PRSS37: variants seen among roughly 807,000 people sequenced by gnomAD.
PRSS37 encodes serine protease 37, also known as probable inactive serine protease 37.
In PRSS37, 25 loss-of-function variants were observed where a neutral mutation model predicts 28.0. The observed-to-expected ratio is 0.89, with a 90% CI of 0.65 to 1.25. The LOEUF (loss-of-function observed/expected upper bound fraction) is 1.25. Among genes scored for constraint, PRSS37 ranks in the 50% most tolerant of loss-of-function variants. PRSS37 has a pLI of 0.00. For synonymous variants in PRSS37, 109 were observed against 107.8 expected, an observed-to-expected ratio of 1.01 and a Z score of -0.07; for missense variants, 282 against 292.2, an observed-to-expected ratio of 0.97 and a Z score of 0.25.
At chr7:141,840,343 TCCTGTTAA>T (rs1486120633) in intron 1 of PRSS37, among the ~76,000 whole-genome samples, 2 of 152,204 alleles carry the variant, frequency 1.3e-5, no homozygotes, top group African/African-American at 4.8e-5. Context: ...CTCTTGCTAC[TCCTGTTAA>T]CCTTCCCCAA....
intron 4 of PRSS37, among the ~76,000 whole-genome samples, chr7:141,836,793 G>C (rs1426793017): frequency 6.6e-6 from 1 of 152,030 alleles, no homozygotes; most frequent in Non-Finnish European, 1.5e-5. Flanking sequence ...CCATTTTTTT[G>C]AACTGGTGAA....
chr7:141,838,175 A>T (rs1584802010), intron 2 of PRSS37, 62 bp from the exon 3 acceptor site: 3 of 1,602,374 alleles, frequency 1.9e-6, no homozygotes, highest in Middle Eastern at 3.3e-4. Flanking sequence ...AAGATACTGA[A>T]TGTTACAAAG....
Position 141,840,961 on chromosome 7 carries a change from C to A in PRSS37, c.34+55G>T, listed in dbSNP as rs1584804694. The A allele has an allele frequency of 7.7e-6, 12 of 1,564,486 alleles. No homozygotes were observed. In the East Asian group the frequency reaches 1.8e-4, roughly 23 times the overall value. ...CCTTCGCAATCCTGCCTCTGTCTCA[C>A]CCCATCCATTAAACTGTGCCTTACA... On this transcript the variant is annotated intron_variant, in intron 1 of 4. Transcript: ENST00000350549.
At position 141,836,324 on chromosome 7, in the gene PRSS37, A is replaced by T; in HGVS notation, c.*71T>A. ...ATTTTCATTTGGAGATTTTATTTTG[A>T]ATAGAGGGAAAATTATCTGCTTGTA... On this transcript the variant is annotated 3_prime_UTR_variant, in exon 5 of 5. Transcript: ENST00000350549. 1 of 1,512,680 alleles carries T rather than the reference A, an allele frequency of 6.6e-7. No individual in the cohort carries two copies. Among genetic ancestry groups the T allele is most frequent in the Non-Finnish European group, 9.0e-7 (1 of 1,110,824 alleles). 93.7% of individuals were successfully genotyped at this position (1,512,680 alleles called of 1,614,324 possible). A position where few individuals can be genotyped will look rare whatever the true frequency, so the allele number is the denominator to read the frequency against.
rs992057567 is a variant in PRSS37 at position 141,837,111 on chromosome 7, C to A, written c.567+1G>T. On this transcript the variant is annotated splice_donor_variant, in intron 4 of 4. Transcript: ENST00000350549. LOFTEE classifies it high-confidence loss of function. ...AAAGCTGAATATAGAGATAAGATTACCCCAAAAATTCGGCTGAATACTTTC... is the reference window on the plus strand; with the variant it reads ...AAAGCTGAATATAGAGATAAGATTAACCCAAAAATTCGGCTGAATACTTTC... 6.2e-7 allele frequency: 1 copy of A among 1,612,298 alleles called. No individual in the cohort carries two copies. Among genetic ancestry groups the A allele is most frequent in the South Asian group, 1.1e-5 (1 of 90,572 alleles).
At chr7:141,837,771 T>G (rs1801010590) in intron 3 of PRSS37, 89 bp downstream of exon 3, 1 of 1,560,100 alleles carries the variant, frequency 6.4e-7, no homozygotes, top group Non-Finnish European at 8.7e-7. Context: ...CACTCTCCTT[T>G]CCTCCTCTCT....
intron 3 of PRSS37, 189 bp from the exon 4 acceptor site, chr7:141,837,437 C>T (rs7806797): frequency 0.17 from 178,445 of 1,047,286 alleles, 15,784 homozygotes; most frequent in East Asian, 0.25. Context: ...AAAGGCTTTA[C>T]GTCTCTTTAA....
At chr7:141,839,012 TAAA>T (rs36029840) in intron 2 of PRSS37, 161 of 461,450 alleles carry the variant, frequency 3.5e-4, no homozygotes, top group Admixed American at 7.4e-4. Context: ...ATACTGCCAG[TAAA>T]AAAAAAAAAA....
In PRSS37 at chr7:141,841,430, G is replaced by T. The variant is rs1291071707; in HGVS notation, c.-381C>A. 4.1e-6 allele frequency: 1 copy of T among 245,356 alleles called. No homozygotes were observed. The highest frequency in any genetic ancestry group is 5.0e-5 in the Admixed American group (1 of 19,974). The allele number at this position is 245,356 out of a possible 1,614,324, so 15.2% of individuals were successfully genotyped here. ...TTCCCCACAGAGTTTCTGAGACCAG[G>T]GCTATGAGGGACAATATTCTTTACC... is the stretch of plus-strand genomic sequence containing the variant. On this transcript the variant is annotated 5_prime_UTR_variant, in exon 1 of 5. Coordinates refer to ENST00000350549, the MANE Select transcript of PRSS37 (RefSeq NM_001008270.3).
chr7:141,836,416 CT>C lies in PRSS37; in HGVS notation c.686del (p.Glu229GlyfsTer27). 6.2e-7 allele frequency: 1 copy of C among 1,614,166 alleles called. No homozygotes were observed. The highest frequency in any genetic ancestry group is 8.5e-7 in the Non-Finnish European group (1 of 1,180,018). On this transcript the variant is annotated frameshift_variant, in exon 5 of 5. Transcript: ENST00000350549. LOFTEE classifies it high-confidence loss of function. ...TNVYKYVSWI[E>X]NTAKDK The stretch of plus-strand genomic sequence containing the variant: ...GGTCTCACTTGTCCTTAGCAGTGTT[CT>C]CAATCCAGGATACATATTTGTAAAC...
Position 141,839,136 on chromosome 7 carries a change from GTGAAT to G in PRSS37, c.176+197_176+201del, listed in dbSNP as rs113120389. 4.7e-4 allele frequency: 298 copies of G among 638,598 alleles called. No homozygotes were observed. In the African/African-American group the frequency reaches 5.0e-3, roughly 11 times the overall value. The allele number at this position is 638,598 out of a possible 1,614,324, so 39.6% of individuals were successfully genotyped here. ...AAATCTTTATTGTGGGGACTGTGCT[GTGAAT>G]TGTAGGATGTTAAACAGCATCTTTG... On this transcript the variant is annotated intron_variant, in intron 2 of 4. Transcript: ENST00000350549.
chr7:141,836,448 T>C lies in PRSS37; in HGVS notation c.655A>G (p.Thr219Ala). The change falls in exon 5 of 5, where the codon ACC (threonine) becomes GCC (alanine). Residue 219 changes from threonine (T) to alanine (A), a missense_variant. By Grantham distance (58) the Thr-to-Ala change is moderately conservative (BLOSUM62 0). Coordinates refer to ENST00000350549, the MANE Select transcript of PRSS37 (RefSeq NM_001008270.3). ...CAGGATACATATTTGTAAACATTGGTGTAGATGCCGACGTCCCCTCCCATG... is the reference window on the plus strand; with the variant it reads ...CAGGATACATATTTGTAAACATTGGCGTAGATGCCGACGTCCCCTCCCATG... ...HFMGGDVGIY[T>A]NVYKYVSWIE... is the part of the protein sequence containing the mutation. 4 of 1,614,172 alleles carry C rather than the reference T, an allele frequency of 2.5e-6. No homozygotes were observed. Among genetic ancestry groups the C allele is most frequent in the Non-Finnish European group, 3.4e-6 (4 of 1,180,012 alleles).
chr7:141,839,970 A>G (rs73525251), intron 1 of PRSS37, among the ~76,000 whole-genome samples: 2,140 of 152,334 alleles, frequency 0.014, 57 homozygotes, highest in African/African-American at 0.049. Flanking sequence ...AAAGTGGAAC[A>G]TCATATATAA....
In PRSS37 at chr7:141,837,104, A is replaced by G. The variant is rs1800984872; in HGVS notation, c.567+8T>C. The stretch of plus-strand genomic sequence containing the variant: ...GTAAATGAAAGCTGAATATAGAGAT[A>G]AGATTACCCCAAAAATTCGGCTGAA... On this transcript the variant is annotated splice_region_variant and intron_variant, in intron 4 of 4. Coordinates refer to ENST00000350549, the MANE Select transcript of PRSS37 (RefSeq NM_001008270.3). 6.2e-7 allele frequency: 1 copy of G among 1,611,844 alleles called. No homozygotes were observed. Among genetic ancestry groups the G allele is most frequent in the Non-Finnish European group, 8.5e-7 (1 of 1,179,188 alleles).
rs1800952718 is a variant in PRSS37, at chr7:141,836,391, G to A, written c.*4C>T. The A allele has an allele frequency of 1.9e-6, 3 of 1,613,764 alleles. No individual in the cohort carries two copies. Among genetic ancestry groups the A allele is most frequent in the South Asian group, 1.1e-5 (1 of 91,040 alleles). On this transcript the variant is annotated 3_prime_UTR_variant, in exon 5 of 5. Coordinates refer to ENST00000350549, the MANE Select transcript of PRSS37 (RefSeq NM_001008270.3). ...CAGTGGAATGCAGAGGGAGAAGTAG[G>A]GTCTCACTTGTCCTTAGCAGTGTTC...
intron 3 of PRSS37, chr7:141,837,516 G>T: frequency 2.1e-6 from 3 of 1,402,134 alleles, no homozygotes; most frequent in Non-Finnish European, 2.9e-6. Flanking sequence ...TCTCAGAGGT[G>T]TCCTTTACAT....
At chr7:141,838,767 T>TC (rs1801058187) in intron 2 of PRSS37, 1 of 316,624 alleles carries the variant, frequency 3.2e-6, no homozygotes, top group African/African-American at 2.2e-5. Flanking sequence ...TCTCGCTTTT[T>TC]CTCTATCTCT....
chr7:141,838,216 G>A (rs1801032518), intron 2 of PRSS37, 103 bp from the exon 3 acceptor site: 4 of 1,544,284 alleles, frequency 2.6e-6, no homozygotes, highest in Non-Finnish European at 3.5e-6. Flanking sequence ...GCTTTTTCTG[G>A]ATTATGTCAT....
In PRSS37 at chr7:141,836,344, C is replaced by A. The variant is rs557838849; in HGVS notation, c.*51G>T. On this transcript the variant is annotated 3_prime_UTR_variant, in exon 5 of 5. Coordinates refer to ENST00000350549, the MANE Select transcript of PRSS37 (RefSeq NM_001008270.3). Reference sequence around the variant, plus strand: ...TTTTGAATAGAGGGAAAATTATCTGCTTGTATAGTCCATGGCAGAGCCAGT... The same window carrying A: ...TTTTGAATAGAGGGAAAATTATCTGATTGTATAGTCCATGGCAGAGCCAGT... The A allele has an allele frequency of 6.3e-7, 1 of 1,579,914 alleles. No homozygotes were observed. Among genetic ancestry groups the A allele is most frequent in the East Asian group, 2.3e-5 (1 of 44,188 alleles).
Sources: allele counts gnomAD v4.1 joint callset (sites outside exome capture counted in the v4.1 genomes callset), GRCh38; gene constraint gnomAD v4.1.1; transcripts MANE v1.5; gene names NCBI Gene and HGNC (gene_info 2026-07-23, HGNC 2026-07-21).